The following NDEL1 variants were observed in gnomAD, a reference collection of about 807,000 sequenced individuals.
NDEL1 encodes nuclear distribution protein nudE-like 1.
Under a neutral mutation model 45.7 loss-of-function variants are expected in NDEL1, and 9 were observed. The ratio of observed to expected loss-of-function variants is 0.20; its 90% CI spans 0.12 to 0.34. The LOEUF (loss-of-function observed/expected upper bound fraction) is 0.34, where lower values mean the gene tolerates loss of function less well. Ranked by LOEUF, NDEL1 falls within the 10% of genes least tolerant of loss-of-function variation. The pLI is 1.00. For synonymous variants in NDEL1, 133 were observed against 158.6 expected, an observed-to-expected ratio of 0.84 and a Z score of 1.21; for missense variants, 306 against 406.2, an observed-to-expected ratio of 0.75 and a Z score of 2.12.
chr17:8,435,721 G>C (rs1241560936), upstream of NDEL1: 2 of 333,376 alleles, frequency 6.0e-6, no homozygotes, highest in Non-Finnish European at 1.2e-5. Context: ...GCAAGAGGAC[G>C]CCTGCGCAAG....
intron 4 of NDEL1, among the ~76,000 whole-genome samples, chr17:8,448,055 G>C (rs181054972): frequency 4.6e-5 from 7 of 152,270 alleles, no homozygotes; most frequent in Non-Finnish European, 8.8e-5. Flanking sequence ...GCAAATGTCT[G>C]AGTGGTTGCA....
rs1361907741 is a variant in NDEL1 at position 8,448,664 on chromosome 17, G to A, written c.504G>A (p.Gln168=). ...DEKESLLVSV[Q]RLKDEARDLR... is the part of the protein sequence containing the mutation. ...AGGAATCTTTGTTGGTCTCTGTACA[G>A]AGGTTAAAGGATGAAGCAAGAGGTA... is the stretch of plus-strand genomic sequence containing the variant. Residue 168 remains glutamine (Q), a synonymous_variant, in exon 5 of 9, where the codon CAG becomes CAA. Coordinates refer to ENST00000334527, the MANE Select transcript of NDEL1 (RefSeq NM_030808.5). 1.2e-6 allele frequency: 2 copies of A among 1,611,790 alleles called. No homozygotes were observed. Among genetic ancestry groups the A allele is most frequent in the Admixed American group, 3.4e-5 (2 of 59,272 alleles).
intron 1 of NDEL1, 120 bp downstream of exon 1, chr17:8,436,165 G>A (rs1294208106): frequency 7.9e-6 from 2 of 251,676 alleles, no homozygotes; most frequent in African/African-American, 2.4e-5. Context: ...GGGGCGGGCC[G>A]GGCCGGGTTC....
At position 8,450,203 on chromosome 17, in the gene NDEL1, C is replaced by T. The variant is rs191007145; in HGVS notation, c.527-577C>T. Among the ~76,000 whole-genome samples, 1,129 of 151,414 alleles carry T rather than the reference C, an allele frequency of 7.5e-3. 19 individuals carry two copies. Among genetic ancestry groups the T allele is most frequent in the African/African-American group, 0.025 (1,033 of 41,208 alleles). ...ACTTGGGAGGCTGAGGCAGGAGAAT[C>T]GCTTGAACCCAGGAGGTGGAGGTTG... is the stretch of plus-strand genomic sequence containing the variant. On this transcript the variant is annotated intron_variant, in intron 5 of 8. Transcript: ENST00000334527.
chr17:8,432,013 T>A (rs919533932), upstream of NDEL1: 7 of 151,270 alleles, frequency 4.6e-5, no homozygotes, highest in African/African-American at 1.7e-4. Flanking sequence ...GCACATGCCA[T>A]CACATTCAGC....
At chr17:8,418,789 TTTC>T (rs1437004557) in intron 1 of NDEL1, among the ~76,000 whole-genome samples, 8 of 142,864 alleles carry the variant, frequency 5.6e-5, no homozygotes, top group Non-Finnish European at 1.2e-4. Flanking sequence ...CCCTCCTTTC[TTTC>T]TTTTCTTTTC....
At chr17:8,456,919 A>G (rs1910885821) in intron 7 of NDEL1, among the ~76,000 whole-genome samples, 2 of 152,198 alleles carry the variant, frequency 1.3e-5, no homozygotes. Context: ...TGGTTCTAAA[A>G]ATGGAAAAGT....
intron 6 of NDEL1, among the ~76,000 whole-genome samples, chr17:8,454,165 AAC>A (rs201658354): frequency 0.017 from 2,538 of 152,292 alleles, 33 homozygotes; most frequent in Non-Finnish European, 0.028. Flanking sequence ...CTCCTACCGA[AAC>A]ACAGTGTTTA....
chr17:8,467,005 G>A lies in NDEL1; in HGVS notation c.1020G>A (p.Met340Ile). 1 of 1,614,112 alleles carries A rather than the reference G, an allele frequency of 6.2e-7. No homozygotes were observed. The highest frequency in any genetic ancestry group is 1.1e-5 in the South Asian group (1 of 91,082). The change falls in exon 9 of 9, where the codon ATG becomes ATA. Residue 340 changes from methionine to isoleucine, a missense_variant. By Grantham distance (10) the Met-to-Ile change is conservative. Coordinates refer to ENST00000334527, the MANE Select transcript of NDEL1 (RefSeq NM_030808.5). The surrounding 1 kb of genome is among the most constrained non-coding windows in gnomAD (Gnocchi z 6.3). ...CGCGTCCATCGTCAGCGCCGGGTAT[G>A]CTGCCTCTCAGTGTGTGAGTGCCTA... is the stretch of plus-strand genomic sequence containing the variant. ...GSSRPSSAPG[M>I]LPLSV is the part of the protein sequence containing the mutation.
intron 1 of NDEL1, among the ~76,000 whole-genome samples, chr17:8,417,471 G>A (rs977206199): frequency 6.6e-5 from 10 of 152,322 alleles, no homozygotes; most frequent in African/African-American, 2.4e-4. Context: ...TTCCTCAAAT[G>A]TTTGCTGATT....
chr17:8,428,356 GTGTGTATTTTTT>G (rs1908898670), intron 1 of NDEL1, among the ~76,000 whole-genome samples: 2 of 89,686 alleles, frequency 2.2e-5, no homozygotes, highest in Non-Finnish European at 2.4e-5. Flanking sequence ...GTGTGTGTGT[GTGTGTATTTTTT>G]TTTTTTTTTT....
In NDEL1 at chr17:8,439,245, T is replaced by C. The variant is rs146214020; in HGVS notation, c.-13+3200T>C. Among the ~76,000 whole-genome samples, 1,348 of 150,750 alleles carry C rather than the reference T, an allele frequency of 8.9e-3. 18 individuals are homozygous for C. The highest frequency in any genetic ancestry group is 0.031 in the African/African-American group (1,279 of 40,948). ...GTGAGCCACTGTGCCCGGCCTTTTT[T>C]TTTTTCTTTTATTTGAGATGGAATC... On this transcript the variant is annotated intron_variant, in intron 1 of 8. Transcript: ENST00000334527.
At chr17:8,463,471 A>G (rs1007205554) in intron 8 of NDEL1, 2 of 846,734 alleles carry the variant, frequency 2.4e-6, no homozygotes, top group Non-Finnish European at 3.8e-6. Flanking sequence ...GCTTTAACCA[A>G]CTTACAGCCC....
chr17:8,471,229 C>G, downstream of NDEL1, among the ~76,000 whole-genome samples: 1 of 152,260 alleles, frequency 6.6e-6, no homozygotes, highest in Non-Finnish European at 1.5e-5. Context: ...TGGCTCACTG[C>G]AAGCTCTGCC....
At chr17:8,473,693 A>T (rs761973030) in intron 3 of NDEL1, among the ~76,000 whole-genome samples, 7 of 151,974 alleles carry the variant, frequency 4.6e-5, no homozygotes, top group Admixed American at 3.9e-4. Flanking sequence ...TAGACCCCTT[A>T]CCCCCAGAAC....
Position 8,428,742 on chromosome 17 carries a change from C to T in NDEL1, c.-13+15473C>T, listed in dbSNP as rs182923960. ...AGGCCAGACTGCAGTGGCATGATCT[C>T]GGCTCACTGCAAGCTCCGCCTCCCA... is the stretch of plus-strand genomic sequence containing the variant. On this transcript the variant is annotated intron_variant, in intron 1 of 4. Transcript: ENST00000582812. Among the ~76,000 whole-genome samples, 1,223 of 148,734 alleles carry T rather than the reference C, an allele frequency of 8.2e-3. 12 individuals carry two copies. Among genetic ancestry groups the T allele is most frequent in the African/African-American group, 0.029 (1,150 of 40,238 alleles).
chr17:8,472,662 C>T (rs903218711), downstream of NDEL1, among the ~76,000 whole-genome samples: 30 of 150,924 alleles, frequency 2.0e-4, no homozygotes, highest in Admixed American at 1.6e-3. Context: ...GACTCTGTCT[C>T]GGGAAAAAAA....
intron 1 of NDEL1, among the ~76,000 whole-genome samples, chr17:8,430,821 T>C (rs1056796069): frequency 2.6e-5 from 4 of 152,234 alleles, no homozygotes; most frequent in Non-Finnish European, 5.9e-5. Flanking sequence ...CACTTTATTT[T>C]TTCTGGATTT....
At chr17:8,446,666 T>TG in intron 3 of NDEL1, 88 bp from the exon 4 acceptor site, 4 of 1,262,254 alleles carry the variant, frequency 3.2e-6, no homozygotes, top group Non-Finnish European at 4.4e-6. Context: ...TTCCTTGGGT[T>TG]CCCCCCCACC....
Sources: gnomAD v4.1 joint callset for allele counts (sites outside exome capture counted in the v4.1 genomes callset) on GRCh38, gnomAD v4.1.1 for gene constraint, Gnocchi (gnomAD v3.1) non-coding constraint, MANE v1.5 for transcripts, NCBI Gene and HGNC (gene_info 2026-07-23, HGNC 2026-07-21) for gene names.